Variants in FRY observed in about 807,000 individuals in gnomAD.
FRY encodes protein furry homolog.
FRY carries 128 observed loss-of-function variants against 348.4 expected under a neutral mutation model. The ratio of observed to expected loss-of-function variants is 0.37; its 90% CI spans 0.32 to 0.43. FRY has a LOEUF of 0.43. Among genes scored for constraint, FRY ranks in the 20% least tolerant of loss-of-function variants. The pLI, the probability that FRY is intolerant of heterozygous loss-of-function variation, is 1.00. For missense variants in FRY, 2,736 were observed against 3,695.2 expected (o/e 0.74, Z 6.73); for synonymous variants, 1,370 against 1,374.7 (o/e 1.00, Z 0.08).
chr13:32,051,895 A>G (rs1257868709), intron 1 of FRY, among the ~76,000 whole-genome samples: 1 of 152,254 alleles, frequency 6.6e-6, no homozygotes, highest in Non-Finnish European at 1.5e-5. Flanking sequence ...AACATGGATG[A>G]TATGGTTAGA....
chr13:32,065,756 T>C (rs976123687), intron 1 of FRY, among the ~76,000 whole-genome samples: 1 of 152,116 alleles, frequency 6.6e-6, no homozygotes, highest in Admixed American at 6.5e-5. Context: ...TGTGCTACCA[T>C]GCTCAGCTAA....
intron 55 of FRY, among the ~76,000 whole-genome samples, chr13:32,267,895 G>A (rs540440173): frequency 6.6e-6 from 1 of 152,298 alleles, no homozygotes; most frequent in South Asian, 2.1e-4. Flanking sequence ...ATGGGAACAT[G>A]CCGCCTACTT....
chr13:32,115,694 C>CA (rs1555254287), intron 3 of FRY, among the ~76,000 whole-genome samples: 5 of 148,934 alleles, frequency 3.4e-5, no homozygotes, highest in African/African-American at 1.2e-4. Context: ...TGAGTCTTTG[C>CA]TTTTTTTTTT....
intron 2 of FRY, among the ~76,000 whole-genome samples, chr13:32,087,439 T>A (rs1237501577): frequency 6.6e-6 from 1 of 152,158 alleles, no homozygotes; most frequent in African/African-American, 2.4e-5. Flanking sequence ...TAAAGTTAAG[T>A]AGGACGCTGT....
intron 20 of FRY, 22 bp downstream of exon 20, chr13:32,175,654 A>G (rs749465371): frequency 6.2e-6 from 8 of 1,298,228 alleles, no homozygotes; most frequent in South Asian, 5.9e-5. Flanking sequence ...TTTGATTCCA[A>G]TTAATGGCTC....
chr13:32,115,909 T>C (rs1009975751), intron 3 of FRY, among the ~76,000 whole-genome samples: 2 of 152,126 alleles, frequency 1.3e-5, no homozygotes, highest in East Asian at 1.9e-4. Flanking sequence ...CTCTAACAAA[T>C]TGGAATCATA....
chr13:32,193,234 G>A (rs944272455), intron 28 of FRY, among the ~76,000 whole-genome samples: 4 of 151,388 alleles, frequency 2.6e-5, no homozygotes, highest in African/African-American at 7.3e-5. Flanking sequence ...AGTCTACTGA[G>A]ACTGTATTTC....
At chr13:32,274,527 AC>A (rs1419776199) in intron 55 of FRY, among the ~76,000 whole-genome samples, 1 of 151,654 alleles carries the variant, frequency 6.6e-6, no homozygotes, top group Non-Finnish European at 1.5e-5. Flanking sequence ...ACACAGTGAA[AC>A]CCCGTCTCTA....
intron 3 of FRY, among the ~76,000 whole-genome samples, chr13:32,115,095 C>G (rs1878218275): frequency 6.6e-6 from 1 of 152,100 alleles, no homozygotes; most frequent in African/African-American, 2.4e-5. Context: ...TACATATAAC[C>G]ATCATTATGG....
chr13:32,218,713 G>T, intron 35 of FRY, 36 bp from the exon 36 acceptor site: 4 of 1,121,470 alleles, frequency 3.6e-6, no homozygotes, highest in Non-Finnish European at 2.7e-6. Flanking sequence ...ATGCACACAT[G>T]TTAATATTTC....
At chr13:32,235,663 C>T (rs1430789077) in intron 42 of FRY, among the ~76,000 whole-genome samples, 1 of 152,180 alleles carries the variant, frequency 6.6e-6, no homozygotes, top group Non-Finnish European at 1.5e-5. Context: ...GAAGCCTGCA[C>T]ACCTACAGAC....
Position 32,285,782 on chromosome 13 carries a change from C to T in FRY, c.8470-3851C>T, listed in dbSNP as rs1889014873. 2.0e-5 allele frequency among the ~76,000 whole-genome samples: 3 copies of T among 152,252 alleles called. No individual in the cohort carries two copies. In the South Asian group the frequency reaches 6.2e-4, roughly 32 times the overall value. ...CGTTTCAGTCATATTTGATGTTGTC[C>T]AAAAAGTCTTCGCACTGGAAATTCT... On this transcript the variant is annotated intron_variant, in intron 58 of 60. Coordinates refer to ENST00000542859, the MANE Select transcript of FRY (RefSeq NM_023037.3).
chr13:32,040,876 A>G (rs1872720869), intron 1 of FRY, among the ~76,000 whole-genome samples: 1 of 152,234 alleles, frequency 6.6e-6, no homozygotes, highest in Non-Finnish European at 1.5e-5. Context: ...ATCATGTTTC[A>G]GTTAACCCAT....
At chr13:32,216,952 A>G (rs776027638) in intron 35 of FRY, among the ~76,000 whole-genome samples, 3 of 152,270 alleles carry the variant, frequency 2.0e-5, no homozygotes, top group Non-Finnish European at 4.4e-5. Flanking sequence ...AACCAAGCTC[A>G]TTACAGTACA....
intron 38 of FRY, 80 bp downstream of exon 38, chr13:32,225,116 T>G: frequency 1.2e-6 from 1 of 841,878 alleles, no homozygotes; most frequent in Admixed American, 1.8e-5. Context: ...TCCTTTCACA[T>G]TGACATCCTG....
At chr13:32,288,698 C>T (rs1889191420) in intron 58 of FRY, among the ~76,000 whole-genome samples, 1 of 152,210 alleles carries the variant, frequency 6.6e-6, no homozygotes, top group African/African-American at 2.4e-5. Flanking sequence ...GAAAACTGAA[C>T]AGTGAAACAT....
Position 32,281,606 on chromosome 13 carries a change from C to T in FRY, c.8469+3058C>T, listed in dbSNP as rs1293047891. Among the ~76,000 whole-genome samples the T allele has an allele frequency of 1.1e-4, 16 of 152,200 alleles. No homozygotes were observed. The East Asian group carries it at 3.1e-3, about 29-fold the overall frequency. On this transcript the variant is annotated intron_variant, in intron 58 of 60. Coordinates refer to ENST00000542859, the MANE Select transcript of FRY (RefSeq NM_023037.3). ...GCTTTGGCCCCATTGTCAGTATTAGCTCAGTGTTTCAGAATATTTCCAAAT... is the reference window on the plus strand; with the variant it reads ...GCTTTGGCCCCATTGTCAGTATTAGTTCAGTGTTTCAGAATATTTCCAAAT...
intron 2 of FRY, among the ~76,000 whole-genome samples, chr13:32,098,337 T>C (rs1229018815): frequency 1.3e-5 from 2 of 152,074 alleles, no homozygotes; most frequent in Non-Finnish European, 2.9e-5. Flanking sequence ...TCAGGTGGAA[T>C]GCTGCATGTC....
chr13:32,117,529 A>C, intron 4 of FRY, 56 bp downstream of exon 4: 4 of 1,576,510 alleles, frequency 2.5e-6, no homozygotes, highest in Non-Finnish European at 3.5e-6. Context: ...TTCAGGAAAC[A>C]TAAATCAAAA....
Sources: gnomAD v4.1 joint callset for allele counts (sites outside exome capture counted in the v4.1 genomes callset) on GRCh38, gnomAD v4.1.1 for gene constraint, MANE v1.5 for transcripts, NCBI Gene and HGNC (gene_info 2026-07-23, HGNC 2026-07-21) for gene names.